Variants in TAFA2 observed in about 807,000 individuals in gnomAD.
TAFA2 encodes the protein chemokine-like protein TAFA-2.
In TAFA2, 7 loss-of-function variants were observed where a neutral mutation model predicts 18.8. The observed-to-expected ratio is 0.37, with a 90% CI of 0.21 to 0.70. TAFA2 has a LOEUF of 0.70. Ranked by LOEUF, TAFA2 falls within the 30% of genes least tolerant of loss-of-function variation. TAFA2 has a pLI of 0.53. For synonymous variants in TAFA2, 60 were observed against 54.2 expected (o/e 1.11, Z -0.47); for missense variants, 122 against 158.1 (o/e 0.77, Z 1.23).
intron 1 of TAFA2, among the ~76,000 whole-genome samples, chr12:62,225,545 A>C (rs1453233544): frequency 6.6e-6 from 1 of 152,186 alleles, no homozygotes; most frequent in Non-Finnish European, 1.5e-5. Flanking sequence ...CATGAAAAAA[A>C]CCCAACAAAG....
rs545147009 is a variant in TAFA2 at position 62,006,786 on chromosome 12, C to T, written c.-1-139360G>A. Among the ~76,000 whole-genome samples, 14 of 152,268 alleles carry T rather than the reference C, an allele frequency of 9.2e-5. 1 individual carries two copies. In the South Asian group the frequency reaches 2.9e-3, roughly 32 times the overall value. On this transcript the variant is annotated intron_variant, in intron 1 of 4. Transcript: ENST00000416284. ...ATCTTCTCCCCAACCCATTTTCTAT[C>T]ACAATTCATTAGTAAGCCCCCATCA...
chr12:61,997,696 A>G (rs983575382), intron 1 of TAFA2, among the ~76,000 whole-genome samples: 3 of 152,162 alleles, frequency 2.0e-5, no homozygotes, highest in Non-Finnish European at 4.4e-5. Context: ...TCCAGGAGAC[A>G]GATGACAGCA....
chr12:62,060,017 G>A (rs904199032), intron 1 of TAFA2, among the ~76,000 whole-genome samples: 1 of 152,142 alleles, frequency 6.6e-6, no homozygotes, highest in African/African-American at 2.4e-5. Flanking sequence ...CACAAACTTA[G>A]TAACTTAAAA....
intron 1 of TAFA2, among the ~76,000 whole-genome samples, chr12:61,871,741 C>A (rs762542109): frequency 2.6e-5 from 4 of 152,158 alleles, no homozygotes; most frequent in Non-Finnish European, 4.4e-5. Flanking sequence ...CACTTATGTA[C>A]ACGGAACTTT....
chr12:61,730,464 G>A (rs1280101849), intron 4 of TAFA2, among the ~76,000 whole-genome samples: 4 of 152,058 alleles, frequency 2.6e-5, no homozygotes, highest in African/African-American at 2.4e-5. Flanking sequence ...GGGTGGGGCC[G>A]TAGAGCTCCT....
At position 61,774,243 on chromosome 12, in the gene TAFA2, A is replaced by G. The variant is rs140820197; in HGVS notation, c.107-19219T>C. On this transcript the variant is annotated intron_variant, in intron 2 of 4. Transcript: ENST00000416284. Reference sequence around the variant, plus strand: ...ACTGCTAGTGGAAATGTAAACTAGTATAACCACTATAGAAAACAGTGTGGA... The same window carrying G: ...ACTGCTAGTGGAAATGTAAACTAGTGTAACCACTATAGAAAACAGTGTGGA... Among the ~76,000 whole-genome samples the G allele has an allele frequency of 4.7e-3, 722 of 152,086 alleles. 9 individuals are homozygous for G. Among genetic ancestry groups the G allele is most frequent in the African/African-American group, 0.017 (689 of 41,530 alleles).
intron 1 of TAFA2, among the ~76,000 whole-genome samples, chr12:62,115,071 A>C (rs1869901694): frequency 6.6e-6 from 1 of 152,094 alleles, no homozygotes; most frequent in African/African-American, 2.4e-5. Context: ...ATTTTCTCAA[A>C]ACATTGACCT....
At chr12:61,851,818 A>AAAAAAAAAAG (rs1873674895) in intron 2 of TAFA2, among the ~76,000 whole-genome samples, 1 of 114,978 alleles carries the variant, frequency 8.7e-6, no homozygotes, top group Non-Finnish European at 1.8e-5. Context: ...AAAAAAAAAA[A>AAAAAAAAAAG]CATGTTCTAA....
At chr12:61,950,603 G>T (rs1050590157) in intron 1 of TAFA2, among the ~76,000 whole-genome samples, 8 of 151,888 alleles carry the variant, frequency 5.3e-5, no homozygotes, top group African/African-American at 1.9e-4. Context: ...ATTTTTAATT[G>T]AGTTATTTGA....
chr12:61,895,773 T>C (rs1036467659), intron 1 of TAFA2, among the ~76,000 whole-genome samples: 1 of 152,104 alleles, frequency 6.6e-6, no homozygotes, highest in Non-Finnish European at 1.5e-5. Flanking sequence ...TAGTAGGTAC[T>C]CAATATATGT....
At chr12:61,934,961 G>A (rs938545218) in intron 1 of TAFA2, among the ~76,000 whole-genome samples, 8 of 152,054 alleles carry the variant, frequency 5.3e-5, no homozygotes, top group African/African-American at 7.2e-5. Context: ...ATCTCAGATC[G>A]GATATGATTT....
chr12:61,729,188 C>T (rs943394524), intron 4 of TAFA2, among the ~76,000 whole-genome samples: 15 of 151,988 alleles, frequency 9.9e-5, no homozygotes, highest in Admixed American at 6.6e-4. Context: ...TTTTAGATAA[C>T]CTGATGACTA....
chr12:62,055,328 A>T (rs188669953), intron 1 of TAFA2, among the ~76,000 whole-genome samples: 1 of 152,326 alleles, frequency 6.6e-6, no homozygotes, highest in Non-Finnish European at 1.5e-5. Flanking sequence ...TATTTAGCCC[A>T]TATACTTCAG....
intron 2 of TAFA2, among the ~76,000 whole-genome samples, chr12:61,810,081 C>G (rs1205834903): frequency 2.0e-5 from 3 of 151,294 alleles, no homozygotes; most frequent in Non-Finnish European, 4.4e-5. Context: ...TGAAGTCTTC[C>G]CTTGTGTAAA....
chr12:62,174,619 A>G (rs571922861), intron 1 of TAFA2, among the ~76,000 whole-genome samples: 1 of 152,314 alleles, frequency 6.6e-6, no homozygotes, highest in South Asian at 2.1e-4. Flanking sequence ...TCAAAGAAAG[A>G]TAATTTAATA....
intron 2 of TAFA2, among the ~76,000 whole-genome samples, chr12:61,803,326 T>C (rs1176302575): frequency 1.3e-5 from 2 of 151,796 alleles, no homozygotes; most frequent in Non-Finnish European, 2.9e-5. Context: ...GAATAGAAAA[T>C]GTAAAAGAGA....
chr12:62,083,964 C>T lies in TAFA2; in HGVS notation c.-2+107295G>A, dbSNP rs867495877. Among the ~76,000 whole-genome samples, 34 of 152,122 alleles carry T rather than the reference C, an allele frequency of 2.2e-4. 1 individual carries two copies. The highest frequency in any genetic ancestry group is 1.7e-3 in the South Asian group (8 of 4,832). On this transcript the variant is annotated intron_variant, in intron 1 of 4. Coordinates refer to ENST00000416284, the MANE Select transcript of TAFA2 (RefSeq NM_178539.5). ...TTGTATGTGTGCTTGAGTGTGTGTG[C>T]TTCAAAAGACACATACAAGAAAAGA...
At chr12:61,742,093 C>T (rs1219334463) in intron 4 of TAFA2, among the ~76,000 whole-genome samples, 2 of 152,216 alleles carry the variant, frequency 1.3e-5, no homozygotes, top group East Asian at 1.9e-4. Context: ...TTGGGTTTCA[C>T]CATGTTGGCC....
intron 1 of TAFA2, among the ~76,000 whole-genome samples, chr12:62,166,246 A>C (rs1053626921): frequency 6.6e-6 from 1 of 152,174 alleles, no homozygotes; most frequent in Non-Finnish European, 1.5e-5. Flanking sequence ...GATTGGCATA[A>C]ATGGAAAATT....
Sources: gnomAD v4.1 joint callset for allele counts (sites outside exome capture counted in the v4.1 genomes callset) on GRCh38, gnomAD v4.1.1 for gene constraint, MANE v1.5 for transcripts, NCBI Gene and HGNC (gene_info 2026-07-23, HGNC 2026-07-21) for gene names.